BTG4: variants seen among roughly 807,000 people sequenced by gnomAD.
BTG4 encodes BTG anti-proliferation factor 4.
A neutral mutation model predicts 19.3 loss-of-function variants in BTG4; 10 were observed. That is an observed-to-expected ratio of 0.52 (90% CI 0.32 to 0.88). The LOEUF is 0.88. BTG4 is among the 40% of genes least tolerant of loss of function. The pLI, the probability that BTG4 is intolerant of heterozygous loss-of-function variation, is 0.04. For synonymous variants in BTG4, 91 were observed against 95.7 expected (o/e 0.95, Z 0.29); for missense variants, 238 against 281.9 (o/e 0.84, Z 1.11).
At chr11:111,427,722 A>G in the BTG4 span, among the ~76,000 whole-genome samples, 18 of 152,142 alleles carry the variant, frequency 1.2e-4, no homozygotes, top group African/African-American at 4.1e-4. Context: ...GGGGACCCCA[A>G]AACCAATGCC....
upstream of BTG4, chr11:111,513,338 T>C (rs893854369): frequency 1.9e-6 from 1 of 517,736 alleles, no homozygotes; most frequent in African/African-American, 1.9e-5. Context: ...AGTAGAGTAT[T>C]CACCAAGCTA....
the BTG4 span, among the ~76,000 whole-genome samples, chr11:111,401,439 G>C: frequency 6.7e-6 from 1 of 150,312 alleles, no homozygotes; most frequent in East Asian, 2.0e-4. Flanking sequence ...CCGAGATTGA[G>C]ACACTGCACT....
chr11:111,408,618 A>G, the BTG4 span, among the ~76,000 whole-genome samples: 7 of 152,172 alleles, frequency 4.6e-5, no homozygotes. Flanking sequence ...ATTCATTTCT[A>G]CCTGAAGGTG....
chr11:111,408,558 C>G, the BTG4 span, among the ~76,000 whole-genome samples: 271 of 152,316 alleles, frequency 1.8e-3, no homozygotes, highest in Non-Finnish European at 2.4e-3. Context: ...AAACAGGGGA[C>G]CAGGTGTACA....
chr11:111,484,270 G>T (rs1591481446), intron 5 of BTG4, among the ~76,000 whole-genome samples: 1 of 152,092 alleles, frequency 6.6e-6, no homozygotes, highest in African/African-American at 2.4e-5. Context: ...GAAGTAATTT[G>T]AAGATATAAA....
intron 1 of BTG4, among the ~76,000 whole-genome samples, chr11:111,507,194 A>C (rs1866516663): frequency 6.6e-6 from 1 of 152,120 alleles, no homozygotes; most frequent in South Asian, 2.1e-4. Flanking sequence ...TCAATTAATT[A>C]GCAGGATAAT....
chr11:111,473,657 T>C (rs1334850770), intron 5 of BTG4, among the ~76,000 whole-genome samples: 1 of 152,146 alleles, frequency 6.6e-6, no homozygotes, highest in Non-Finnish European at 1.5e-5. Flanking sequence ...GCATTGGTCA[T>C]CAGGGAAATT....
At chr11:111,501,853 T>C (rs1457994282) in intron 1 of BTG4, among the ~76,000 whole-genome samples, 4 of 152,210 alleles carry the variant, frequency 2.6e-5, no homozygotes, top group African/African-American at 4.8e-5. Flanking sequence ...GCTGAGCATC[T>C]TGATATCTAA....
chr11:111,404,283 G>A, the BTG4 span, among the ~76,000 whole-genome samples: 7 of 152,246 alleles, frequency 4.6e-5, no homozygotes, highest in Admixed American at 2.0e-4. Flanking sequence ...GCCCAGCCTC[G>A]GGTATGTCTT....
At chr11:111,506,164 T>C (rs1439252783) in intron 1 of BTG4, among the ~76,000 whole-genome samples, 1 of 152,142 alleles carries the variant, frequency 6.6e-6, no homozygotes, top group Non-Finnish European at 1.5e-5. Context: ...ATCAAAAAGA[T>C]ACTTGTACTT....
At chr11:111,408,052 A>AC in the BTG4 span, among the ~76,000 whole-genome samples, 3 of 151,900 alleles carry the variant, frequency 2.0e-5, no homozygotes, top group South Asian at 2.1e-4. Flanking sequence ...GAACACTAAG[A>AC]CCCCTCCACT....
the BTG4 span, among the ~76,000 whole-genome samples, chr11:111,429,495 G>A: frequency 6.6e-6 from 1 of 152,170 alleles, no homozygotes; most frequent in Non-Finnish European, 1.5e-5. Flanking sequence ...AAGCCAAGAA[G>A]AAAGATGCTT....
the BTG4 span, among the ~76,000 whole-genome samples, chr11:111,412,715 G>C: frequency 1.8e-4 from 28 of 152,290 alleles, no homozygotes; most frequent in Middle Eastern, 6.8e-3. Flanking sequence ...AAGAGGTTAA[G>C]TGACTTGACC....
chr11:111,401,053 T>TAAAAAAAAAAAAAAAAAAA, the BTG4 span: 1 of 82,152 alleles, frequency 1.2e-5, no homozygotes, highest in African/African-American at 5.6e-5. Flanking sequence ...ACCTGGAGCA[T>TAAAAAAAAAAAAAAAAAAA]AAAAAAAAAA....
the BTG4 span, chr11:111,385,848 A>T: frequency 6.6e-6 from 1 of 152,212 alleles, no homozygotes; most frequent in Admixed American, 6.5e-5. Context: ...TAATAGGGAA[A>T]TTGTAAACAA....
the BTG4 span, among the ~76,000 whole-genome samples, chr11:111,395,732 TC>T: frequency 6.6e-6 from 1 of 152,150 alleles, no homozygotes; most frequent in Non-Finnish European, 1.5e-5. Flanking sequence ...TTTGGGGTCT[TC>T]CCACTCCTTT....
At chr11:111,397,678 T>C in the BTG4 span, 1 of 152,352 alleles carries the variant, frequency 6.6e-6, no homozygotes, top group African/African-American at 2.4e-5. Flanking sequence ...GGCAGTATCT[T>C]CTCGCTGATT....
At position 111,484,454 on chromosome 11, in the gene BTG4, GATAA is replaced by G. The variant is rs764495129; in HGVS notation, c.662+10705_662+10708del. Among the ~76,000 whole-genome samples, 20 of 152,204 alleles carry G rather than the reference GATAA, an allele frequency of 1.3e-4. No homozygotes were observed. In the South Asian group the frequency reaches 1.7e-3, roughly 13 times the overall value. ...TTTTAATAGATACACAGTATAAAAA[GATAA>G]ATAAAGAGATCAAAAAGTGAAAGCA... is the stretch of plus-strand genomic sequence containing the variant. On this transcript the variant is annotated intron_variant, in intron 5 of 5. Coordinates refer to the BTG4 transcript ENST00000356018.
chr11:111,499,502 T>C (rs1373847589), intron 1 of BTG4, among the ~76,000 whole-genome samples: 1 of 152,206 alleles, frequency 6.6e-6, no homozygotes. Context: ...CTATTTGAAG[T>C]GTTTAAAATT....
Sources: allele counts gnomAD v4.1 joint callset (sites outside exome capture counted in the v4.1 genomes callset), GRCh38; gene constraint gnomAD v4.1.1; transcripts MANE v1.5; gene names NCBI Gene and HGNC (gene_info 2026-07-23, HGNC 2026-07-21).